LARGE1: variants seen among roughly 807,000 people sequenced by gnomAD.
LARGE1 encodes LARGE xylosyl- and glucuronyltransferase 1.
Under a neutral mutation model 87.6 loss-of-function variants are expected in LARGE1, and 43 were observed. That is an observed-to-expected ratio of 0.49 (90% confidence interval 0.38 to 0.63). The LOEUF (loss-of-function observed/expected upper bound fraction) is 0.63. Ranked by LOEUF, LARGE1 falls within the 30% of genes least tolerant of loss-of-function variation. LARGE1 has a pLI of 0.00. For synonymous variants in LARGE1, 434 were observed against 394.6 expected (o/e 1.10, Z -1.18); for missense variants, 802 against 1,000.2 (o/e 0.80, Z 2.67).
intron 6 of LARGE1, among the ~76,000 whole-genome samples, chr22:33,524,906 T>C (rs2071806860): frequency 6.6e-6 from 1 of 152,166 alleles, no homozygotes; most frequent in Non-Finnish European, 1.5e-5. Context: ...GCAAAAGTAG[T>C]TTGTTTTGGT....
intron 6 of LARGE1, among the ~76,000 whole-genome samples, chr22:33,563,560 A>G (rs2077925972): frequency 6.6e-6 from 1 of 152,230 alleles, no homozygotes; most frequent in Non-Finnish European, 1.5e-5. Flanking sequence ...CAGACACGAT[A>G]GGGGAACTTG....
intron 6 of LARGE1, among the ~76,000 whole-genome samples, chr22:33,545,264 CTTTTTTTTTTTTT>C: frequency 7.6e-6 from 1 of 132,040 alleles, no homozygotes; most frequent in East Asian, 2.2e-4. Flanking sequence ...CTTTCCTTTT[CTTTTTTTTTTTTT>C]TTTTTTAGAG....
At chr22:33,625,229 A>C (rs565511309) in intron 4 of LARGE1, among the ~76,000 whole-genome samples, 1 of 152,324 alleles carries the variant, frequency 6.6e-6, no homozygotes, top group East Asian at 1.9e-4. Flanking sequence ...AGAGTGTTAA[A>C]GCAGAGCCAA....
chr22:33,391,764 CCTTTTTT>C (rs1477533476), intron 7 of LARGE1, among the ~76,000 whole-genome samples: 13 of 141,862 alleles, frequency 9.2e-5, no homozygotes, highest in African/African-American at 1.3e-4. Flanking sequence ...TTTCCTTTTT[CCTTTTTT>C]TTTTTTTTTT....
intron 2 of LARGE1, among the ~76,000 whole-genome samples, chr22:33,723,307 G>T (rs746835918): frequency 3.9e-5 from 6 of 152,124 alleles, no homozygotes; most frequent in Non-Finnish European, 5.9e-5. Flanking sequence ...TTAGGTTCAC[G>T]GTGTAAAGAG....
chr22:33,410,448 C>T (rs1481947786), intron 7 of LARGE1, among the ~76,000 whole-genome samples: 1 of 152,030 alleles, frequency 6.6e-6, no homozygotes, highest in Admixed American at 6.6e-5. Context: ...TTCCTCCATG[C>T]TGTTCTCGTG....
chr22:33,325,623 C>T (rs905282347), intron 10 of LARGE1, among the ~76,000 whole-genome samples: 2 of 152,222 alleles, frequency 1.3e-5, no homozygotes, highest in Admixed American at 6.5e-5. Context: ...CTAACAGGCA[C>T]ATTTGAATGC....
rs544806095 is a variant in LARGE1, at chr22:33,891,998, G to T, written c.-83+27997C>A. Among the ~76,000 whole-genome samples, 4 of 152,262 alleles carry T rather than the reference G, an allele frequency of 2.6e-5. No individual in the cohort carries two copies. The East Asian group carries it at 7.7e-4, about 29-fold the overall frequency. On this transcript the variant is annotated intron_variant, in intron 1 of 14. Transcript: ENST00000397394. Reference sequence around the variant, plus strand: ...TTCTCAAAAGCCACTCTCACCATGAGTCCTTTCTTAAGACGTTTCGTACCT... The same window carrying T: ...TTCTCAAAAGCCACTCTCACCATGATTCCTTTCTTAAGACGTTTCGTACCT...
At chr22:33,687,486 C>T (rs746550453) in intron 2 of LARGE1, among the ~76,000 whole-genome samples, 1 of 151,952 alleles carries the variant, frequency 6.6e-6, no homozygotes, top group Non-Finnish European at 1.5e-5. Context: ...AAGACTGCAT[C>T]TGCCTTGGAC....
intron 6 of LARGE1, among the ~76,000 whole-genome samples, chr22:33,450,776 TAA>T (rs934921775): frequency 6.6e-6 from 1 of 152,132 alleles, no homozygotes; most frequent in African/African-American, 2.4e-5. Flanking sequence ...CACAGATGAG[TAA>T]AGGCCAGAAC....
intron 11 of LARGE1, among the ~76,000 whole-genome samples, chr22:33,232,944 T>C (rs939541873): frequency 6.6e-6 from 1 of 152,226 alleles, no homozygotes; most frequent in African/African-American, 2.4e-5. Flanking sequence ...AGCCTGTGCT[T>C]ATGCCTCTTG....
intron 1 of LARGE1, among the ~76,000 whole-genome samples, chr22:33,766,819 C>A (rs1029139378): frequency 6.6e-6 from 1 of 150,774 alleles, no homozygotes; most frequent in African/African-American, 2.4e-5. Context: ...ATTTTATATA[C>A]GTGTACAAAT....
chr22:33,097,454 C>T, the LARGE1 span, among the ~76,000 whole-genome samples: 1 of 152,160 alleles, frequency 6.6e-6, no homozygotes, highest in Non-Finnish European at 1.5e-5. Flanking sequence ...CCGTAAGGTG[C>T]ACATCCAACA....
intron 6 of LARGE1, among the ~76,000 whole-genome samples, chr22:33,512,528 C>A (rs991194121): frequency 6.6e-6 from 1 of 152,168 alleles, no homozygotes; most frequent in African/African-American, 2.4e-5. Context: ...GTGGGCCAGG[C>A]GCAGTGGCTC....
chr22:33,648,655 C>T (rs931085795), intron 3 of LARGE1, among the ~76,000 whole-genome samples: 1 of 152,180 alleles, frequency 6.6e-6, no homozygotes, highest in Non-Finnish European at 1.5e-5. Context: ...TGGCTGAATG[C>T]CCGTTTTCAT....
intron 7 of LARGE1, among the ~76,000 whole-genome samples, chr22:33,395,009 G>T (rs1221511939): frequency 6.6e-6 from 1 of 151,956 alleles, no homozygotes; most frequent in African/African-American, 2.4e-5. Flanking sequence ...GGCAGATCAC[G>T]AGGTCAGGAG....
rs542562105 is a variant in LARGE1 at position 33,597,002 on chromosome 22, AC to A, written c.615+7432del. Among the ~76,000 whole-genome samples, 6 of 152,306 alleles carry A rather than the reference AC, an allele frequency of 3.9e-5. No individual in the cohort carries two copies. In the South Asian group the frequency reaches 1.2e-3, roughly 32 times the overall value. ...ACTTCATTTCTCATGTTTCTGCAGG[AC>A]ATCCCAGAGCAGATAATGCCCTTCC... On this transcript the variant is annotated intron_variant, in intron 5 of 14. Transcript: ENST00000397394.
chr22:33,522,963 G>A (rs2071686924), intron 6 of LARGE1, among the ~76,000 whole-genome samples: 1 of 152,076 alleles, frequency 6.6e-6, no homozygotes, highest in African/African-American at 2.4e-5. Flanking sequence ...AGCCAAGACT[G>A]CATCACTGTA....
intron 1 of LARGE1, among the ~76,000 whole-genome samples, chr22:33,815,180 C>G (rs1428085278): frequency 1.3e-5 from 2 of 152,170 alleles, no homozygotes; most frequent in African/African-American, 4.8e-5. Context: ...TGGGGCGGCA[C>G]AGTCTGGCAG....
Sources: gnomAD v4.1 joint callset for allele counts (sites outside exome capture counted in the v4.1 genomes callset) on GRCh38, gnomAD v4.1.1 for gene constraint, MANE v1.5 for transcripts, NCBI Gene and HGNC (gene_info 2026-07-23, HGNC 2026-07-21) for gene names.